Variants in ADH1A observed in about 807,000 individuals in gnomAD.
ADH1A encodes the protein alcohol dehydrogenase 1A (class I), alpha polypeptide, also known as alcohol dehydrogenase 1A.
Under a neutral mutation model 35.2 loss-of-function variants are expected in ADH1A, and 29 were observed. The observed-to-expected ratio is 0.82, with a 90% CI of 0.61 to 1.12. The LOEUF (loss-of-function observed/expected upper bound fraction) is 1.12, where lower values mean the gene tolerates loss of function less well. Ranked by LOEUF, ADH1A falls within the 50% of genes most tolerant of loss-of-function variation. The pLI is 0.00. For synonymous variants in ADH1A, 147 were observed against 164.8 expected (o/e 0.89, Z 0.83); for missense variants, 469 against 464.7 (o/e 1.01, Z -0.09).
At chr4:99,288,847 T>C (rs183935933) in intron 1 of ADH1A, 3 of 152,276 alleles carry the variant, frequency 2.0e-5, no homozygotes, top group Non-Finnish European at 4.4e-5. Context: ...GTTTTTGGGG[T>C]GCAGGTGTTT....
chr4:99,287,529 T>C, intron 2 of ADH1A, 35 bp downstream of exon 2: 1 of 1,587,316 alleles, frequency 6.3e-7, no homozygotes. Context: ...TCTGAGTTTT[T>C]AAAACTTAAA....
At chr4:99,287,505 C>T (rs1032537447) in intron 2 of ADH1A, 59 bp downstream of exon 2, 60 of 1,543,966 alleles carry the variant, frequency 3.9e-5, no homozygotes, top group African/African-American at 1.2e-4. Context: ...TGGTTGTTTC[C>T]GTTTTTTAAC....
At chr4:99,281,824 AAT>A (rs1209792564) in intron 6 of ADH1A, 3 of 180,166 alleles carry the variant, frequency 1.7e-5, no homozygotes, top group African/African-American at 7.2e-5. Context: ...TCTGTGATAA[AAT>A]ATAGTAATGC....
At position 99,284,734 on chromosome 4, in the gene ADH1A, T is replaced by C; in HGVS notation, c.329A>G (p.Asn110Ser). 1.9e-6 allele frequency: 3 copies of C among 1,614,172 alleles called. No individual in the cohort carries two copies. Among genetic ancestry groups the C allele is most frequent in the Non-Finnish European group, 2.5e-6 (3 of 1,180,020 alleles). Reference sequence around the variant, plus strand: ...AACCTACTCGTTTTTCAAGCAGTAGTTGCTCTCCGGGTTTTTACAAATTCT... The same window carrying C: ...AACCTACTCGTTTTTCAAGCAGTAGCTGCTCTCCGGGTTTTTACAAATTCT... ...KCRICKNPES[N>S]YCLKNDVSNP... The change falls in exon 4 of 9, where the codon AAC becomes AGC. Residue 110 changes from asparagine (N) to serine (S), a missense_variant. Physicochemically the swap from Asn to Ser is conservative, Grantham distance 46. Coordinates refer to ENST00000209668, the MANE Select transcript of ADH1A (RefSeq NM_000667.4).
chr4:99,279,288 C>G, intron 8 of ADH1A, 138 bp downstream of exon 8: 1 of 1,164,478 alleles, frequency 8.6e-7, no homozygotes, highest in Non-Finnish European at 1.2e-6. Context: ...CTTACAAGCT[C>G]TCCATGTAAA....
At position 99,287,657 on chromosome 4, in the gene ADH1A, T is replaced by G. The variant is rs1269953538; in HGVS notation, c.27A>C (p.Lys9Asn). The G allele has an allele frequency of 5.0e-6, 8 of 1,613,864 alleles. No homozygotes were observed. The highest frequency in any genetic ancestry group is 1.7e-5 in the Admixed American group (1 of 59,988). Residue 9 changes from lysine to asparagine, a missense_variant, in exon 2 of 9, where the codon AAA (lysine) becomes AAC (asparagine). Transcript: ENST00000209668. MSTAGKVI[K>N]CKAAVLWELK... The stretch of plus-strand genomic sequence containing the variant: ...ACTCCCATAGCACAGCTGCTTTGCA[T>G]TTGATTACCTAGAAAAGCAAACAGA...
rs912958972 is a variant in ADH1A, at chr4:99,286,662, A to G, written c.259+188T>C. 1.2e-5 allele frequency: 11 copies of G among 915,872 alleles called. No homozygotes were observed. In the African/African-American group the frequency reaches 1.8e-4, roughly 15 times the overall value. 56.7% of individuals were successfully genotyped at this position (915,872 alleles called of 1,614,324 possible). On this transcript the variant is annotated intron_variant, in intron 3 of 8. Coordinates refer to ENST00000209668, the MANE Select transcript of ADH1A (RefSeq NM_000667.4). ...GTACATAATTGTTGAAGGGTAGAAT[A>G]CATGCGTGCCTAAAGACATACATGC...
At chr4:99,286,405 G>T (rs1733154042) in intron 3 of ADH1A, among the ~76,000 whole-genome samples, 1 of 152,144 alleles carries the variant, frequency 6.6e-6, no homozygotes, top group African/African-American at 2.4e-5. Flanking sequence ...TGCTCATTCA[G>T]CCGTAGCCAT....
Position 99,284,561 on chromosome 4 carries a change from C to T in ADH1A, c.405G>A (p.Arg135=). 4 of 1,614,222 alleles carry T rather than the reference C, an allele frequency of 2.5e-6. No homozygotes were observed. The highest frequency in any genetic ancestry group is 2.5e-6 in the Non-Finnish European group (3 of 1,180,042). ...TGCCAAGGAAGTGGTGGATGGGCTT[C>T]CTCCTGCAGGTGAACCTGCTGGTGC... ...QDGTSRFTCR[R]KPIHHFLGIS... is the part of the protein sequence containing the mutation. Residue 135 remains arginine (R), a synonymous_variant, in exon 5 of 9, where the codon AGG becomes AGA. Coordinates refer to ENST00000209668, the MANE Select transcript of ADH1A (RefSeq NM_000667.4).
chr4:99,286,071 T>G (rs1403396568), intron 3 of ADH1A, among the ~76,000 whole-genome samples: 1 of 151,672 alleles, frequency 6.6e-6, no homozygotes, highest in Non-Finnish European at 1.5e-5. Flanking sequence ...ACATAATTTT[T>G]ATTTTAAATT....
chr4:99,288,296 C>T (rs1733206910), intron 1 of ADH1A, among the ~76,000 whole-genome samples: 1 of 151,914 alleles, frequency 6.6e-6, no homozygotes, highest in Non-Finnish European at 1.5e-5. Context: ...AGACTCCTTC[C>T]AGCTTTGATT....
chr4:99,283,263 C>T (rs1199867700), intron 5 of ADH1A, among the ~76,000 whole-genome samples: 1 of 152,132 alleles, frequency 6.6e-6, no homozygotes, highest in Non-Finnish European at 1.5e-5. Context: ...CTTGGGTAGG[C>T]TCACTTAGAT....
At chr4:99,280,086 TA>T in intron 7 of ADH1A, 57 bp downstream of exon 7, 1 of 1,607,354 alleles carries the variant, frequency 6.2e-7, no homozygotes, top group Non-Finnish European at 8.5e-7. Flanking sequence ...TTGTCACTTG[TA>T]AAAGGGGAGA....
At chr4:99,285,829 T>C (rs778720440) in intron 3 of ADH1A, among the ~76,000 whole-genome samples, 9 of 151,910 alleles carry the variant, frequency 5.9e-5, no homozygotes, top group African/African-American at 1.9e-4. Context: ...GAGACCATCC[T>C]GGCTAATATG....
intron 5 of ADH1A, 26 bp downstream of exon 5, chr4:99,284,373 T>A (rs1433892135): frequency 4.3e-6 from 7 of 1,611,906 alleles, no homozygotes; most frequent in Non-Finnish European, 5.9e-6. Flanking sequence ...CGTGTAACTG[T>A]TTTTATCACC....
chr4:99,280,421 T>C, intron 6 of ADH1A, 142 bp from the exon 7 acceptor site: 1 of 1,401,650 alleles, frequency 7.1e-7, no homozygotes, highest in African/African-American at 1.4e-5. Context: ...TCAGTCCCCT[T>C]TTTTGCACGG....
At chr4:99,284,340 C>T (rs915864673) in intron 5 of ADH1A, 59 bp downstream of exon 5, 20 of 1,535,352 alleles carry the variant, frequency 1.3e-5, no homozygotes, top group Non-Finnish European at 1.8e-5. Context: ...GACATTCCTT[C>T]CCTTTGGGTT....
intron 6 of ADH1A, chr4:99,281,180 A>C (rs183803533): frequency 1.5e-4 from 23 of 152,338 alleles, no homozygotes; most frequent in African/African-American, 4.8e-4. Context: ...CATTTGTCCC[A>C]GGGCAAGGCT....
chr4:99,279,488 T>C lies in ADH1A; in HGVS notation c.1041A>G (p.Ile347Met), dbSNP rs1560516732. 5 of 1,612,252 alleles carry C rather than the reference T, an allele frequency of 3.1e-6. No homozygotes were observed. The highest frequency in any genetic ancestry group is 3.3e-4 in the Middle Eastern group (2 of 6,076). Residue 347 changes from isoleucine (I) to methionine (M), a missense_variant, in exon 8 of 9, where the codon ATA (isoleucine) becomes ATG (methionine). Physicochemically the swap from Ile to Met is conservative, Grantham distance 10. Coordinates refer to ENST00000209668, the MANE Select transcript of ADH1A (RefSeq NM_000667.4). The stretch of plus-strand genomic sequence containing the variant: ...TTTTTTCAAAAGGTAAAACATGGGT[T>C]ATTAATGCATCCAATGAAAACTTCT... ...MAKKFSLDAL[I>M]THVLPFEKIN...
Sources: gnomAD v4.1 joint callset for allele counts (sites outside exome capture counted in the v4.1 genomes callset) on GRCh38, gnomAD v4.1.1 for gene constraint, MANE v1.5 for transcripts, NCBI Gene and HGNC (gene_info 2026-07-23, HGNC 2026-07-21) for gene names.